LRMDA: variants seen among roughly 807,000 people sequenced by gnomAD.
LRMDA encodes the protein leucine-rich melanocyte differentiation-associated protein.
Under a neutral mutation model 29.8 loss-of-function variants are expected in LRMDA, and 18 were observed. The observed-to-expected ratio is 0.60, with a 90% CI of 0.42 to 0.90. LRMDA has a LOEUF of 0.90. Among genes scored for constraint, LRMDA ranks in the 40% least tolerant of loss-of-function variants. The probability of loss-of-function intolerance (pLI) is 0.00; values close to 1 mark genes in which losing one functional copy is unlikely to be tolerated. For missense variants in LRMDA, 273 were observed against 273.9 expected (o/e 1.00, Z 0.02); for synonymous variants, 125 against 109.4 (o/e 1.14, Z -0.89).
intron 6 of LRMDA, among the ~76,000 whole-genome samples, chr10:76,450,818 C>T (rs1005793037): frequency 6.6e-6 from 1 of 151,962 alleles, no homozygotes; most frequent in Non-Finnish European, 1.5e-5. Flanking sequence ...ATAATTTTTC[C>T]TTTGACACTC....
intron 6 of LRMDA, among the ~76,000 whole-genome samples, chr10:76,423,719 G>A (rs1462667815): frequency 1.3e-5 from 2 of 152,136 alleles, no homozygotes; most frequent in African/African-American, 4.8e-5. Context: ...TTTTGACTTC[G>A]ATCAAAATCT....
chr10:76,173,548 T>A (rs763468488), intron 5 of LRMDA, among the ~76,000 whole-genome samples: 1 of 152,158 alleles, frequency 6.6e-6, no homozygotes, highest in Non-Finnish European at 1.5e-5. Flanking sequence ...TTAGGAAATA[T>A]TATGAACAAC....
At chr10:75,909,711 T>C (rs903449896) in intron 2 of LRMDA, among the ~76,000 whole-genome samples, 1 of 152,192 alleles carries the variant, frequency 6.6e-6, no homozygotes, top group African/African-American at 2.4e-5. Context: ...ACAGCGATAA[T>C]AATAGTGCCT....
rs534191540 is a variant in LRMDA, at chr10:75,766,565, T to C, written c.132-269443T>C. Among the ~76,000 whole-genome samples the C allele has an allele frequency of 1.5e-4, 23 of 152,358 alleles. No homozygotes were observed. The South Asian group carries it at 4.8e-3, about 32-fold the overall frequency. ...TGGGATTTGCATGCTGTTCTTTTTT[T>C]CTTTTTCTTTCTTTCTTTTTTTAGA... On this transcript the variant is annotated intron_variant, in intron 2 of 6. Transcript: ENST00000611255.
At chr10:76,413,010 C>T (rs1383509640) in intron 6 of LRMDA, among the ~76,000 whole-genome samples, 1 of 152,084 alleles carries the variant, frequency 6.6e-6, no homozygotes, top group Non-Finnish European at 1.5e-5. Context: ...CATTCTTTGC[C>T]TTACTGACTC....
chr10:76,540,522 G>A (rs1466309708), intron 6 of LRMDA, among the ~76,000 whole-genome samples: 1 of 152,194 alleles, frequency 6.6e-6, no homozygotes, highest in Non-Finnish European at 1.5e-5. Context: ...AAGAACAGAA[G>A]TGCTCACACA....
chr10:76,225,765 T>C (rs1420278200), intron 5 of LRMDA, among the ~76,000 whole-genome samples: 1 of 151,330 alleles, frequency 6.6e-6, no homozygotes, highest in African/African-American at 2.4e-5. Context: ...CTAGCATACA[T>C]GTGCACAACA....
At chr10:75,802,522 T>C (rs901313451) in intron 2 of LRMDA, among the ~76,000 whole-genome samples, 1 of 152,236 alleles carries the variant, frequency 6.6e-6, no homozygotes, top group African/African-American at 2.4e-5. Flanking sequence ...ATTATAAAGC[T>C]GCCGTTCTGT....
chr10:75,882,477 T>C (rs532840697), intron 2 of LRMDA, among the ~76,000 whole-genome samples: 1 of 152,318 alleles, frequency 6.6e-6, no homozygotes, highest in South Asian at 2.1e-4. Flanking sequence ...TAAAATTTTC[T>C]ACAGGTATCT....
At chr10:75,543,062 G>A (rs1840036672) in intron 2 of LRMDA, among the ~76,000 whole-genome samples, 1 of 152,192 alleles carries the variant, frequency 6.6e-6, no homozygotes, top group Non-Finnish European at 1.5e-5. Context: ...CGCGAGGCCA[G>A]GGTAGTAATT....
At chr10:76,474,197 C>T (rs1019935389) in intron 6 of LRMDA, among the ~76,000 whole-genome samples, 9 of 151,584 alleles carry the variant, frequency 5.9e-5, no homozygotes, top group Admixed American at 1.3e-4. Context: ...GCCATATACA[C>T]CTCACACCAT....
Position 75,936,511 on chromosome 10 carries a change from C to T in LRMDA, c.132-99497C>T, listed in dbSNP as rs559551711. Among the ~76,000 whole-genome samples the T allele has an allele frequency of 3.4e-3, 519 of 152,168 alleles. 3 individuals are homozygous for T. The highest frequency in any genetic ancestry group is 6.8e-3 in the Middle Eastern group (2 of 292). ...CAAATACATATCTCACATATTTACC[C>T]GCACATATCTTTTTGCTTCACTGTG... On this transcript the variant is annotated intron_variant, in intron 2 of 6. Transcript: ENST00000611255.
At chr10:76,357,512 C>T (rs1841256589) in intron 6 of LRMDA, among the ~76,000 whole-genome samples, 1 of 152,144 alleles carries the variant, frequency 6.6e-6, no homozygotes, top group African/African-American at 2.4e-5. Context: ...TTTTAAACTT[C>T]CTTCTAAGTT....
intron 5 of LRMDA, among the ~76,000 whole-genome samples, chr10:76,160,205 C>CTT (rs566467054): frequency 5.5e-4 from 73 of 133,776 alleles, no homozygotes; most frequent in African/African-American, 1.9e-3. Context: ...TAAGAGAAGT[C>CTT]TTTTTTTTTT....
chr10:76,047,073 C>A, intron 3 of LRMDA, 91 bp from the exon 4 acceptor site: 2 of 1,391,860 alleles, frequency 1.4e-6, no homozygotes, highest in Non-Finnish European at 2.0e-6. Flanking sequence ...CTCACAGGAG[C>A]AGACTGGACT....
intron 2 of LRMDA, among the ~76,000 whole-genome samples, chr10:75,733,735 A>G (rs755058238): frequency 4.6e-5 from 7 of 152,208 alleles, no homozygotes; most frequent in African/African-American, 7.2e-5. Flanking sequence ...AGAGAAGGGA[A>G]GCAGTTTTCC....
intron 2 of LRMDA, among the ~76,000 whole-genome samples, chr10:75,897,454 C>A (rs929665779): frequency 2.0e-5 from 3 of 152,168 alleles, no homozygotes; most frequent in African/African-American, 7.2e-5. Context: ...ATGAGGAGTG[C>A]TTAGCAATCA....
At chr10:75,567,391 C>T (rs868346047) in intron 2 of LRMDA, among the ~76,000 whole-genome samples, 47 of 152,184 alleles carry the variant, frequency 3.1e-4, no homozygotes, top group African/African-American at 1.1e-3. Context: ...CTTTTAGAAT[C>T]TGGAGTGAGA....
At chr10:76,352,630 A>T (rs568686365) in intron 6 of LRMDA, among the ~76,000 whole-genome samples, 4 of 152,016 alleles carry the variant, frequency 2.6e-5, no homozygotes, top group Admixed American at 1.3e-4. Context: ...ATATTTTCAG[A>T]CTCTAGTTGA....
Sources: allele counts gnomAD v4.1 joint callset (sites outside exome capture counted in the v4.1 genomes callset), GRCh38; gene constraint gnomAD v4.1.1; transcripts MANE v1.5; gene names NCBI Gene and HGNC (gene_info 2026-07-23, HGNC 2026-07-21).